SPMIP11: variants seen among roughly 807,000 people sequenced by gnomAD.
SPMIP11 encodes the protein long intergenic non-protein coding RNA 935.
the SPMIP11 span, among the ~76,000 whole-genome samples, chr12:48,733,096 ACTGAGTCTCG>A: frequency 1.5e-5 from 1 of 65,000 alleles, no homozygotes; most frequent in African/African-American, 4.5e-5. Flanking sequence ...TTTTTTTTAG[ACTGAGTCTCG>A]CTCTTTCGCC....
chr12:48,770,384 GTT>G, the SPMIP11 span, among the ~76,000 whole-genome samples: 1 of 152,084 alleles, frequency 6.6e-6, no homozygotes, highest in Non-Finnish European at 1.5e-5. Flanking sequence ...CCATCCACCA[GTT>G]CATTTGAGAG....
At chr12:48,743,334 C>A in the SPMIP11 span, among the ~76,000 whole-genome samples, 2 of 151,854 alleles carry the variant, frequency 1.3e-5, no homozygotes, top group African/African-American at 4.8e-5. Flanking sequence ...CATGATGGCA[C>A]CACTGCACTC....
the SPMIP11 span, among the ~76,000 whole-genome samples, chr12:48,733,811 G>A: frequency 6.7e-5 from 8 of 119,054 alleles, no homozygotes; most frequent in East Asian, 5.5e-4. Flanking sequence ...TCACTCTGTC[G>A]CCAGGCTGGA....
chr12:48,739,268 G>A, the SPMIP11 span, among the ~76,000 whole-genome samples: 1 of 152,144 alleles, frequency 6.6e-6, no homozygotes, highest in African/African-American at 2.4e-5. Context: ...TCCATTATGG[G>A]CTTCATTCCA....
At chr12:48,731,100 T>C in the SPMIP11 span, among the ~76,000 whole-genome samples, 2 of 152,260 alleles carry the variant, frequency 1.3e-5, no homozygotes, top group Non-Finnish European at 2.9e-5. Flanking sequence ...GTCTTTTTCC[T>C]GTAAGCAGGC....
the SPMIP11 span, among the ~76,000 whole-genome samples, chr12:48,743,828 A>C: frequency 6.8e-6 from 1 of 147,826 alleles, no homozygotes; most frequent in African/African-American, 2.5e-5. Flanking sequence ...GCTACTCAGG[A>C]GGCTGAGGCA....
chr12:48,757,790 T>G, the SPMIP11 span, among the ~76,000 whole-genome samples: 1 of 152,034 alleles, frequency 6.6e-6, no homozygotes, highest in Non-Finnish European at 1.5e-5. Context: ...GGCCAGGAAT[T>G]CAAGACCAGC....
At chr12:48,764,730 TCA>T in the SPMIP11 span, 1 of 617,348 alleles carries the variant, frequency 1.6e-6, no homozygotes, top group Non-Finnish European at 2.9e-6. Context: ...CCAGGACCTC[TCA>T]GCACCTGGTC....
chr12:48,764,817 A>G, the SPMIP11 span: 1 of 699,776 alleles, frequency 1.4e-6, no homozygotes, highest in South Asian at 1.5e-5. Context: ...ACTTGAAGGA[A>G]TTAGATAACC....
chr12:48,755,224 T>C, the SPMIP11 span, among the ~76,000 whole-genome samples: 3 of 152,184 alleles, frequency 2.0e-5, no homozygotes, highest in Admixed American at 1.3e-4. Context: ...TCATAGTCTC[T>C]TCAAAGCATT....
At chr12:48,735,998 G>T in the SPMIP11 span, 1 of 335,402 alleles carries the variant, frequency 3.0e-6, no homozygotes, top group Non-Finnish European at 5.9e-6. Context: ...TAAATCAGTA[G>T]TCTTGTAGTC....
At chr12:48,767,739 G>C in the SPMIP11 span, 1 of 152,648 alleles carries the variant, frequency 6.6e-6, no homozygotes, top group East Asian at 1.9e-4. Flanking sequence ...GACCCCGACG[G>C]GGTCCTCAGA....
At chr12:48,754,226 C>G in the SPMIP11 span, among the ~76,000 whole-genome samples, 2 of 152,010 alleles carry the variant, frequency 1.3e-5, no homozygotes, top group African/African-American at 4.8e-5. Context: ...CATAGCAAGA[C>G]CCTTTCTCTA....
chr12:48,729,097 T>C, the SPMIP11 span, among the ~76,000 whole-genome samples: 1 of 152,202 alleles, frequency 6.6e-6, no homozygotes, highest in Admixed American at 6.5e-5. Context: ...GACAATTGAT[T>C]TACATCTTAA....
chr12:48,729,284 C>T, the SPMIP11 span, among the ~76,000 whole-genome samples: 2 of 152,090 alleles, frequency 1.3e-5, no homozygotes, highest in African/African-American at 4.8e-5. Context: ...GCCTGTAATC[C>T]CAGCACTTTG....
chr12:48,733,614 T>C, the SPMIP11 span, among the ~76,000 whole-genome samples: 1 of 152,114 alleles, frequency 6.6e-6, no homozygotes, highest in Non-Finnish European at 1.5e-5. Context: ...TCTAGCATAT[T>C]CACTATCCAC....
chr12:48,769,110 C>A, the SPMIP11 span: 2 of 1,505,418 alleles, frequency 1.3e-6, no homozygotes, highest in Non-Finnish European at 1.8e-6. Flanking sequence ...CAGGGTAAAC[C>A]CAGGGAGTCA....
chr12:48,728,081 C>T, the SPMIP11 span, among the ~76,000 whole-genome samples: 1 of 151,886 alleles, frequency 6.6e-6, no homozygotes. Context: ...TTTGTTCAAC[C>T]AAATAAGTGT....
chr12:48,768,199 GA>G, the SPMIP11 span: 1 of 274,096 alleles, frequency 3.6e-6, no homozygotes, highest in Non-Finnish European at 7.1e-6. Flanking sequence ...AAAAAAGAGG[GA>G]AAAGAAGGGC....
Sources: gnomAD v4.1 joint callset for allele counts (sites outside exome capture counted in the v4.1 genomes callset) on GRCh38, gnomAD v4.1.1 for gene constraint, MANE v1.5 for transcripts, NCBI Gene and HGNC (gene_info 2026-07-23, HGNC 2026-07-21) for gene names.